The following CLEC16A variants were observed in gnomAD, a reference collection of about 807,000 sequenced individuals.
CLEC16A encodes the protein protein CLEC16A.
A neutral mutation model predicts 109.5 loss-of-function variants in CLEC16A; 51 were observed. The ratio of observed to expected loss-of-function variants is 0.47; its 90% CI spans 0.37 to 0.59. The LOEUF is 0.59. CLEC16A is among the 20% of genes least tolerant of loss of function. The pLI, the probability that CLEC16A is intolerant of heterozygous loss-of-function variation, is 0.00. For missense variants in CLEC16A, 1,339 were observed against 1,394.0 expected, an observed-to-expected ratio of 0.96 and a Z score of 0.63; for synonymous variants, 673 against 564.2, an observed-to-expected ratio of 1.19 and a Z score of -2.73.
At chr16:11,052,394 G>T (rs747094795) in intron 18 of CLEC16A, among the ~76,000 whole-genome samples, 1 of 152,164 alleles carries the variant, frequency 6.6e-6, no homozygotes, top group African/African-American at 2.4e-5. Flanking sequence ...TGTGACAGAG[G>T]TGTTTCACTT....
At chr16:11,103,022 T>C (rs892204229) in intron 19 of CLEC16A, among the ~76,000 whole-genome samples, 2 of 152,216 alleles carry the variant, frequency 1.3e-5, no homozygotes, top group African/African-American at 2.4e-5. Flanking sequence ...GAACTGTCCC[T>C]GGAGGCTGAA....
intron 23 of CLEC16A, among the ~76,000 whole-genome samples, chr16:11,176,749 A>G (rs1403069384): frequency 1.3e-5 from 2 of 152,114 alleles, no homozygotes; most frequent in Non-Finnish European, 2.9e-5. Flanking sequence ...AAAAAACAAA[A>G]GAAATGAAAT....
chr16:11,094,647 C>G (rs1205147844), intron 19 of CLEC16A, among the ~76,000 whole-genome samples: 1 of 152,234 alleles, frequency 6.6e-6, no homozygotes, highest in Admixed American at 6.5e-5. Context: ...AAAAATCTCT[C>G]CCTTTTTTCC....
At chr16:11,053,558 A>G (rs1234450488) in intron 18 of CLEC16A, among the ~76,000 whole-genome samples, 1 of 152,028 alleles carries the variant, frequency 6.6e-6, no homozygotes, top group Non-Finnish European at 1.5e-5. Flanking sequence ...TTTTGTAGAA[A>G]TGGGGTTTTG....
chr16:11,098,150 G>C (rs569123359), intron 19 of CLEC16A, among the ~76,000 whole-genome samples: 1 of 152,362 alleles, frequency 6.6e-6, no homozygotes, highest in African/African-American at 2.4e-5. Flanking sequence ...GGGAGCCACC[G>C]CTCTAGGGAT....
At chr16:11,003,360 C>G (rs1030713249) in intron 11 of CLEC16A, 55 bp downstream of exon 11, 2 of 1,457,584 alleles carry the variant, frequency 1.4e-6, no homozygotes, top group East Asian at 2.3e-5. Context: ...AGCCCGCCAG[C>G]GAGGCTGCCA....
chr16:11,064,191 A>T (rs1256255189), intron 19 of CLEC16A, among the ~76,000 whole-genome samples: 1 of 152,234 alleles, frequency 6.6e-6, no homozygotes, highest in East Asian at 1.9e-4. Flanking sequence ...GGAAGACATC[A>T]TATTATTACA....
At chr16:11,160,621 G>C (rs7191173) in intron 22 of CLEC16A, among the ~76,000 whole-genome samples, 31,515 of 152,086 alleles carry the variant, frequency 0.21, 3,728 homozygotes, top group African/African-American at 0.33. Flanking sequence ...TGTCCCTAGG[G>C]GACTTAACTC....
intron 19 of CLEC16A, among the ~76,000 whole-genome samples, chr16:11,100,034 C>T (rs535669876): frequency 1.1e-4 from 16 of 152,252 alleles, no homozygotes; most frequent in African/African-American, 3.1e-4. Context: ...TGTCTGACCA[C>T]GGTGGCTCTG....
intron 12 of CLEC16A, among the ~76,000 whole-genome samples, chr16:11,020,808 T>G (rs934307851): frequency 6.6e-6 from 1 of 152,250 alleles, no homozygotes. Context: ...TTTTGCCTGA[T>G]TGTTCATTTC....
intron 13 of CLEC16A, among the ~76,000 whole-genome samples, chr16:11,025,178 G>A (rs1216631780): frequency 2.0e-5 from 3 of 152,120 alleles, no homozygotes; most frequent in African/African-American, 4.8e-5. Flanking sequence ...GCCTAACCCA[G>A]GATGACTATA....
At chr16:10,988,636 G>A (rs1477591941) in intron 10 of CLEC16A, among the ~76,000 whole-genome samples, 5 of 152,170 alleles carry the variant, frequency 3.3e-5, no homozygotes, top group African/African-American at 1.2e-4. Context: ...GGCTGGGTTT[G>A]CAGTGGGCTG....
intron 11 of CLEC16A, among the ~76,000 whole-genome samples, chr16:11,008,369 A>C (rs1013925358): frequency 5.9e-5 from 9 of 152,218 alleles, no homozygotes; most frequent in African/African-American, 2.2e-4. Context: ...ACCAAATACT[A>C]ATCAGATTCG....
intron 19 of CLEC16A, chr16:11,071,076 A>G (rs1310927130): frequency 6.6e-6 from 1 of 152,190 alleles, no homozygotes; most frequent in African/African-American, 2.4e-5. Context: ...GTCCCTGGCT[A>G]TTTTCATCGG....
chr16:11,045,704 G>A (rs748421911), intron 16 of CLEC16A, among the ~76,000 whole-genome samples: 22 of 152,132 alleles, frequency 1.4e-4, no homozygotes, highest in Admixed American at 5.9e-4. Context: ...CAGATCCTGC[G>A]AGTGATGGTT....
chr16:11,141,392 G>A (rs2053819971), intron 22 of CLEC16A, among the ~76,000 whole-genome samples: 2 of 152,232 alleles, frequency 1.3e-5, no homozygotes, highest in Admixed American at 1.3e-4. Flanking sequence ...GGAAAAGGAT[G>A]ACCATGGGGC....
chr16:11,137,824 G>A (rs144423356), intron 22 of CLEC16A, among the ~76,000 whole-genome samples: 1 of 152,114 alleles, frequency 6.6e-6, no homozygotes, highest in Non-Finnish European at 1.5e-5. Flanking sequence ...AAAGGGAAAT[G>A]CAAATAAGCA....
At chr16:10,995,362 G>A (rs768773600) in intron 10 of CLEC16A, among the ~76,000 whole-genome samples, 34 of 152,246 alleles carry the variant, frequency 2.2e-4, no homozygotes, top group Non-Finnish European at 4.4e-4. Flanking sequence ...GTACCTTGCT[G>A]TGTACCTTGC....
At chr16:11,114,127 CCG>C (rs1491196036) in intron 19 of CLEC16A, among the ~76,000 whole-genome samples, 6 of 80,712 alleles carry the variant, frequency 7.4e-5, no homozygotes, top group African/African-American at 3.5e-4. Flanking sequence ...ATGAGGATGG[CCG>C]TGTGTGTGTG....
Sources: allele counts gnomAD v4.1 joint callset (sites outside exome capture counted in the v4.1 genomes callset), GRCh38; gene constraint gnomAD v4.1.1; transcripts MANE v1.5; gene names NCBI Gene and HGNC (gene_info 2026-07-23, HGNC 2026-07-21).